Variants in FBXL20 observed in about 807,000 individuals in gnomAD.
FBXL20 encodes the protein F-box and leucine rich repeat protein 20, also known as F-box/LRR-repeat protein 20.
Under a neutral mutation model 64.0 loss-of-function variants are expected in FBXL20, and 11 were observed. The observed-to-expected ratio is 0.17, with a 90% CI of 0.11 to 0.28. The LOEUF (loss-of-function observed/expected upper bound fraction) is 0.28, where lower values mean the gene tolerates loss of function less well. FBXL20 is among the 10% of genes least tolerant of loss of function. FBXL20 has a pLI of 1.00. For synonymous variants in FBXL20, 184 were observed against 189.0 expected, an observed-to-expected ratio of 0.97 and a Z score of 0.22; for missense variants, 303 against 526.2, an observed-to-expected ratio of 0.58 and a Z score of 4.15.
intron 1 of FBXL20, among the ~76,000 whole-genome samples, chr17:39,371,364 T>C (rs548484259): frequency 6.6e-6 from 1 of 152,272 alleles, no homozygotes; most frequent in East Asian, 1.9e-4. Flanking sequence ...AAAATTCAGC[T>C]ATCTTTTCTC....
intron 1 of FBXL20, among the ~76,000 whole-genome samples, chr17:39,372,961 C>T (rs1261969945): frequency 1.3e-5 from 2 of 152,006 alleles, no homozygotes; most frequent in East Asian, 1.9e-4. Flanking sequence ...AAACTGAAAT[C>T]GAGAACTCAA....
At chr17:39,344,274 C>A (rs144235585) in intron 1 of FBXL20, among the ~76,000 whole-genome samples, 103 of 150,022 alleles carry the variant, frequency 6.9e-4, no homozygotes, top group African/African-American at 2.4e-3. Context: ...CTGCCTCAGT[C>A]AGGGAAGTGG....
chr17:39,276,953 A>G (rs1414191531), intron 9 of FBXL20, among the ~76,000 whole-genome samples: 1 of 152,230 alleles, frequency 6.6e-6, no homozygotes, highest in Non-Finnish European at 1.5e-5. Flanking sequence ...AAAGTTACAC[A>G]TAAACATCTC....
At chr17:39,371,346 A>AT (rs550798407) in intron 1 of FBXL20, among the ~76,000 whole-genome samples, 44 of 152,220 alleles carry the variant, frequency 2.9e-4, no homozygotes, top group Non-Finnish European at 4.9e-4. Flanking sequence ...GCATAAATAT[A>AT]TTTTTTTAAA....
intron 1 of FBXL20, among the ~76,000 whole-genome samples, chr17:39,345,795 T>C (rs570934756): frequency 2.5e-4 from 38 of 152,204 alleles, no homozygotes; most frequent in African/African-American, 9.1e-4. Flanking sequence ...CCCAACTCAG[T>C]GTCCCAAAGT....
At chr17:39,357,197 C>T (rs934430456) in intron 1 of FBXL20, among the ~76,000 whole-genome samples, 6 of 146,390 alleles carry the variant, frequency 4.1e-5, no homozygotes, top group Non-Finnish European at 5.9e-5. Flanking sequence ...CACTTGAACC[C>T]GGGAGGAGGA....
intron 1 of FBXL20, among the ~76,000 whole-genome samples, chr17:39,351,177 A>G (rs1202885479): frequency 6.6e-6 from 1 of 152,008 alleles, no homozygotes; most frequent in Non-Finnish European, 1.5e-5. Context: ...TCTACTAAAA[A>G]TACAAAAAAT....
At chr17:39,314,092 C>T (rs1280915936) in intron 2 of FBXL20, among the ~76,000 whole-genome samples, 2 of 152,114 alleles carry the variant, frequency 1.3e-5, no homozygotes, top group African/African-American at 4.8e-5. Context: ...ACTCTCTATC[C>T]CTTCCTCACC....
chr17:39,338,572 T>C (rs1321613380), intron 2 of FBXL20, among the ~76,000 whole-genome samples: 1 of 152,158 alleles, frequency 6.6e-6, no homozygotes, highest in Non-Finnish European at 1.5e-5. Context: ...AAAGTCACAA[T>C]GTATAATGTA....
At chr17:39,366,716 C>G (rs1404753693) in intron 1 of FBXL20, among the ~76,000 whole-genome samples, 4 of 152,160 alleles carry the variant, frequency 2.6e-5, no homozygotes, top group African/African-American at 9.7e-5. Context: ...TGATGCATTT[C>G]TGACCTCGTA....
intron 2 of FBXL20, among the ~76,000 whole-genome samples, chr17:39,304,470 G>A (rs771097015): frequency 3.9e-5 from 6 of 152,016 alleles, no homozygotes; most frequent in Admixed American, 2.0e-4. Flanking sequence ...TAATTTTTTT[G>A]TAGAGATGAG....
intron 2 of FBXL20, among the ~76,000 whole-genome samples, chr17:39,319,978 C>G (rs2047339306): frequency 6.6e-6 from 1 of 152,102 alleles, no homozygotes. Flanking sequence ...AATTGAAAAA[C>G]ACACAGATGG....
chr17:39,273,506 T>TTG (rs1240688850), intron 10 of FBXL20, among the ~76,000 whole-genome samples: 2 of 152,138 alleles, frequency 1.3e-5, no homozygotes, highest in East Asian at 3.8e-4. Context: ...CTTTGTCTCT[T>TTG]TGTGCTTCAG....
chr17:39,309,507 T>G (rs2047212226), intron 2 of FBXL20, among the ~76,000 whole-genome samples: 1 of 152,252 alleles, frequency 6.6e-6, no homozygotes, highest in East Asian at 1.9e-4. Flanking sequence ...TTATTTTTAT[T>G]TTATTTATTT....
At chr17:39,263,611 A>C (rs982347724) in intron 14 of FBXL20, among the ~76,000 whole-genome samples, 1 of 152,062 alleles carries the variant, frequency 6.6e-6, no homozygotes, top group African/African-American at 2.4e-5. Flanking sequence ...GGAGGATCTT[A>C]AGCCTAGGAG....
chr17:39,335,083 A>G (rs186534756), intron 2 of FBXL20, among the ~76,000 whole-genome samples: 137 of 152,300 alleles, frequency 9.0e-4, no homozygotes, highest in African/African-American at 3.1e-3. Flanking sequence ...CTTCCCAGGC[A>G]TTGTGAAGAC....
intron 10 of FBXL20, among the ~76,000 whole-genome samples, chr17:39,272,387 A>T (rs1178731324): frequency 3.4e-5 from 1 of 29,568 alleles, no homozygotes; most frequent in African/African-American, 5.0e-5. Context: ...TTTGTCTCAA[A>T]AAAAAAAAAA....
At chr17:39,288,777 C>T (rs931638293) in intron 6 of FBXL20, among the ~76,000 whole-genome samples, 89 of 152,018 alleles carry the variant, frequency 5.9e-4, no homozygotes, top group African/African-American at 2.1e-3. Context: ...GGCGCGATCT[C>T]GGATCACTGC....
At chr17:39,317,162 T>A (rs928449374) in intron 2 of FBXL20, among the ~76,000 whole-genome samples, 1 of 152,184 alleles carries the variant, frequency 6.6e-6, no homozygotes, top group Non-Finnish European at 1.5e-5. Flanking sequence ...AAAAATTGAT[T>A]CTGAAGTTGA....
Sources: gnomAD v4.1 joint callset for allele counts (sites outside exome capture counted in the v4.1 genomes callset) on GRCh38, gnomAD v4.1.1 for gene constraint, MANE v1.5 for transcripts, NCBI Gene and HGNC (gene_info 2026-07-23, HGNC 2026-07-21) for gene names.